MPDZ: variants seen among roughly 807,000 people sequenced by gnomAD.
MPDZ encodes multiple PDZ domain crumbs cell polarity complex component, also known as multiple PDZ domain protein.
In MPDZ, 234 loss-of-function variants were observed where a neutral mutation model predicts 239.1. The ratio of observed to expected loss-of-function variants is 0.98; its 90% CI spans 0.88 to 1.09. MPDZ has a LOEUF of 1.09. Ranked by LOEUF, MPDZ falls within the 50% of genes least tolerant of loss-of-function variation. The pLI, the probability that MPDZ is intolerant of heterozygous loss-of-function variation, is 0.00. For missense variants in MPDZ, 3,175 were observed against 2,510.0 expected (o/e 1.26, Z -5.66); for synonymous variants, 1,048 against 881.3 (o/e 1.19, Z -3.35).
chr9:13,198,366 T>C (rs1955912681), intron 12 of MPDZ, among the ~76,000 whole-genome samples: 1 of 152,174 alleles, frequency 6.6e-6, no homozygotes, highest in Admixed American at 6.6e-5. Flanking sequence ...CATTTTTTCA[T>C]ATACCTATTG....
At chr9:13,231,108 A>C (rs1962300252) in intron 3 of MPDZ, among the ~76,000 whole-genome samples, 1 of 152,212 alleles carries the variant, frequency 6.6e-6, no homozygotes, top group African/African-American at 2.4e-5. Context: ...AAAACTGATA[A>C]ACCTCTAACA....
At chr9:13,115,442 T>C in intron 39 of MPDZ, 108 bp from the exon 40 acceptor site, 2 of 884,800 alleles carry the variant, frequency 2.3e-6, no homozygotes, top group East Asian at 5.3e-5. Flanking sequence ...GGCATCTTCC[T>C]TTTGGAATTT....
chr9:13,110,580 C>T, intron 44 of MPDZ, 56 bp downstream of exon 44: 2 of 1,209,338 alleles, frequency 1.7e-6, no homozygotes, highest in Non-Finnish European at 2.4e-6. Flanking sequence ...AACATCAAAG[C>T]TCATGTGTCT....
Position 13,109,074 on chromosome 9 carries a change from A to G in MPDZ, c.5943-15T>C. On this transcript the variant is annotated splice_polypyrimidine_tract_variant and intron_variant, in intron 45 of 46. Transcript: ENST00000319217. The stretch of plus-strand genomic sequence containing the variant: ...ATTGAGGAGGTCTACGGTGAAGGAA[A>G]GGAAAAAGAGGTTTTAAATTAAAAA... 2 of 1,373,596 alleles carry G rather than the reference A, an allele frequency of 1.5e-6. No individual in the cohort carries two copies. Among genetic ancestry groups the G allele is most frequent in the Non-Finnish European group, 1.9e-6 (2 of 1,059,002 alleles). The allele number at this position is 1,373,596 out of a possible 1,614,324, so 85.1% of individuals were successfully genotyped here. A position where few individuals can be genotyped will look rare whatever the true frequency, so the allele number is the denominator to read the frequency against.
intron 12 of MPDZ, among the ~76,000 whole-genome samples, chr9:13,198,998 T>A (rs1956058335): frequency 6.6e-6 from 1 of 152,000 alleles, no homozygotes; most frequent in Non-Finnish European, 1.5e-5. Flanking sequence ...ACGGATATTG[T>A]AACAATATTA....
chr9:13,232,877 A>C (rs1415274979), intron 3 of MPDZ, among the ~76,000 whole-genome samples: 1 of 151,480 alleles, frequency 6.6e-6, no homozygotes, highest in East Asian at 1.9e-4. Context: ...AAAAAAAAAA[A>C]AAAAACCAGG....
chr9:13,149,488 C>G (rs1394871055), intron 25 of MPDZ, among the ~76,000 whole-genome samples: 1 of 152,038 alleles, frequency 6.6e-6, no homozygotes, highest in East Asian at 1.9e-4. Flanking sequence ...CCTGAAAACT[C>G]AGAAAATCTA....
chr9:13,254,015 C>G (rs1968783746), intron 1 of MPDZ, among the ~76,000 whole-genome samples: 1 of 152,218 alleles, frequency 6.6e-6, no homozygotes, highest in African/African-American at 2.4e-5. Context: ...CACAAGCCAT[C>G]TAGCTCCAGA....
At chr9:13,209,898 G>A (rs1310752054) in intron 10 of MPDZ, among the ~76,000 whole-genome samples, 1 of 151,776 alleles carries the variant, frequency 6.6e-6, no homozygotes, top group Non-Finnish European at 1.5e-5. Context: ...TCAGAAACAA[G>A]GCTGGAGACT....
intron 22 of MPDZ, among the ~76,000 whole-genome samples, chr9:13,167,884 G>C (rs147767129): frequency 6.6e-6 from 1 of 152,242 alleles, no homozygotes; most frequent in East Asian, 1.9e-4. Flanking sequence ...ATCCCCTGGG[G>C]TCATGAGATA....
Position 13,114,125 on chromosome 9 carries a change from C to T in MPDZ, c.5467-104G>A, listed in dbSNP as rs577396990. ...CTAGAGACAGATACCTGTTAAGCAACAGTGGCATTTGATAATTTGATGAGC... is the reference window on the plus strand; with the variant it reads ...CTAGAGACAGATACCTGTTAAGCAATAGTGGCATTTGATAATTTGATGAGC... On this transcript the variant is annotated intron_variant, in intron 40 of 46. Coordinates refer to ENST00000319217, the MANE Select transcript of MPDZ (RefSeq NM_001378778.1). 16 of 880,504 alleles carry T rather than the reference C, an allele frequency of 1.8e-5. 1 individual carries two copies. In the South Asian group the frequency reaches 2.1e-4, roughly 12 times the overall value. The allele number at this position is 880,504 out of a possible 1,614,324, so 54.5% of individuals were successfully genotyped here.
rs201085815 is a variant in MPDZ, at chr9:13,168,511, T to C, written c.3109A>G (p.Ile1037Val). 1.9e-6 allele frequency: 3 copies of C among 1,613,294 alleles called. No individual in the cohort carries two copies. In the African/African-American group the frequency reaches 4.0e-5, roughly 22 times the overall value. ...TCTCGACTAATGGCACCTCCATGAA[T>C]AATGCTTCGAACGATCATCCCCAAG... Reference protein sequence around the residue: ...DGLGMIVRSIIHGGAISRDGR... With the variant: ...DGLGMIVRSIVHGGAISRDGR... Residue 1037 changes from isoleucine (I) to valine (V), a missense_variant, in exon 22 of 47, where the codon ATT (isoleucine) becomes GTT (valine). Coordinates refer to ENST00000319217, the MANE Select transcript of MPDZ (RefSeq NM_001378778.1).
chr9:13,248,989 A>AAAAAAAAAAAAAAAAAAAAAC (rs1967114217), intron 2 of MPDZ, among the ~76,000 whole-genome samples: 1 of 139,306 alleles, frequency 7.2e-6, no homozygotes, highest in Non-Finnish European at 1.5e-5. Context: ...AAAAAAAAAA[A>AAAAAAAAAAAAAAAAAAAAAC]AAAAAAAAAA....
At chr9:13,193,754 G>T (rs1027838502) in intron 13 of MPDZ, among the ~76,000 whole-genome samples, 13 of 152,048 alleles carry the variant, frequency 8.5e-5, no homozygotes, top group African/African-American at 3.1e-4. Flanking sequence ...TAAAACCAAA[G>T]AATGAACTTC....
intron 13 of MPDZ, among the ~76,000 whole-genome samples, chr9:13,195,624 C>G (rs1451185612): frequency 6.6e-6 from 1 of 151,788 alleles, no homozygotes; most frequent in Non-Finnish European, 1.5e-5. Flanking sequence ...TACTAATAAA[C>G]ATAAAACATT....
At chr9:13,144,449 C>T (rs1397973986) in intron 26 of MPDZ, among the ~76,000 whole-genome samples, 1 of 151,880 alleles carries the variant, frequency 6.6e-6, no homozygotes, top group East Asian at 1.9e-4. Context: ...ACAATAAATT[C>T]TTCTCCTTCT....
chr9:13,225,315 T>C (rs976595295), intron 3 of MPDZ, among the ~76,000 whole-genome samples: 1 of 152,088 alleles, frequency 6.6e-6, no homozygotes, highest in Non-Finnish European at 1.5e-5. Context: ...TTATAACTTA[T>C]GTATAAACTC....
Position 13,147,596 on chromosome 9 carries a change from T to C in MPDZ, c.3693A>G (p.Ala1231=), listed in dbSNP as rs139030570. The stretch of plus-strand genomic sequence containing the variant: ...GTACCATAAAGACTACAGGGTTGCC[T>C]GCTTTCCGAATGGCTTCCACAGCTT... ...HEQAVEAIRK[A]GNPVVFMVQS... The change falls in exon 26 of 47, where the codon GCA becomes GCG. Residue 1231 remains alanine, a synonymous_variant. Transcript: ENST00000319217. The C allele has an allele frequency of 8.5e-5, 137 of 1,612,528 alleles. No individual in the cohort carries two copies. In the African/African-American group the frequency reaches 1.6e-3, roughly 19 times the overall value.
At chr9:13,265,958 A>T (rs2139002857) in intron 1 of MPDZ, among the ~76,000 whole-genome samples, 1 of 152,282 alleles carries the variant, frequency 6.6e-6, no homozygotes, top group Non-Finnish European at 1.5e-5. Flanking sequence ...TTCTCCCAAG[A>T]TCATTTTCTA....
Sources: gnomAD v4.1 joint callset for allele counts (sites outside exome capture counted in the v4.1 genomes callset) on GRCh38, gnomAD v4.1.1 for gene constraint, MANE v1.5 for transcripts, NCBI Gene and HGNC (gene_info 2026-07-23, HGNC 2026-07-21) for gene names.